PKD2L1: variants seen among roughly 807,000 people sequenced by gnomAD.
PKD2L1 encodes polycystin 2 like 1, transient receptor potential cation channel.
Under a neutral mutation model 93.0 loss-of-function variants are expected in PKD2L1, and 77 were observed. The ratio of observed to expected loss-of-function variants is 0.83; its 90% CI spans 0.69 to 1.00. The LOEUF is 1.00. Among genes scored for constraint, PKD2L1 ranks in the 50% least tolerant of loss-of-function variants. The pLI, the probability that PKD2L1 is intolerant of heterozygous loss-of-function variation, is 0.00. For missense variants in PKD2L1, 977 were observed against 990.9 expected (o/e 0.99, Z 0.19); for synonymous variants, 390 against 388.0 (o/e 1.01, Z -0.06).
chr10:100,304,969 A>C (rs1276654695), intron 2 of PKD2L1, among the ~76,000 whole-genome samples: 1 of 152,196 alleles, frequency 6.6e-6, no homozygotes, highest in African/African-American at 2.4e-5. Flanking sequence ...CTGGGAATAT[A>C]ATACCTTTTA....
Position 100,291,391 on chromosome 10 carries a change from C to A in PKD2L1, c.1917G>T (p.Thr639=). 1.9e-6 allele frequency: 3 copies of A among 1,614,000 alleles called. No homozygotes were observed. Among genetic ancestry groups the A allele is most frequent in the South Asian group, 2.2e-5 (2 of 91,076 alleles). Residue 639 remains threonine (T), a synonymous_variant, in exon 12 of 16, where the codon ACG becomes ACT. Coordinates refer to ENST00000318222, the MANE Select transcript of PKD2L1 (RefSeq NM_016112.3). ...GHAEHEITEL[T]ATFTKFDRDG... ...CTCTGTCAAACTTGGTGAAGGTGGC[C>A]GTGAGCTCAGTGATTTCATGCTCTG...
chr10:100,314,901 G>C (rs540584549), intron 2 of PKD2L1, among the ~76,000 whole-genome samples: 1 of 149,330 alleles, frequency 6.7e-6, no homozygotes, highest in South Asian at 2.1e-4. Flanking sequence ...CAGGCGTGTT[G>C]GTGTGAGCCT....
chr10:100,329,320 A>G lies in PKD2L1; in HGVS notation c.240T>C (p.Leu80=), dbSNP rs1032700930. Residue 80 remains leucine (L), a synonymous_variant, in exon 2 of 16, where the codon CTT becomes CTC. Coordinates refer to ENST00000318222, the MANE Select transcript of PKD2L1 (RefSeq NM_016112.3). ...TGTTCTCAGTCAGGGTTGTTCCCCA[A>G]AGTCCTAAGGGGCATGGGAGAGATG... ...CLHICQGIRG[L]WGTTLTENTA... is the part of the protein sequence containing the mutation. 6.2e-7 allele frequency: 1 copy of G among 1,614,130 alleles called. No individual in the cohort carries two copies. Among genetic ancestry groups the G allele is most frequent in the Non-Finnish European group, 8.5e-7 (1 of 1,179,998 alleles).
At chr10:100,325,425 T>A (rs1564616674) in intron 2 of PKD2L1, among the ~76,000 whole-genome samples, 1 of 152,074 alleles carries the variant, frequency 6.6e-6, no homozygotes, top group Non-Finnish European at 1.5e-5. Context: ...TGAAAATATG[T>A]CTGAAAGGAA....
chr10:100,312,981 G>A (rs572946043), intron 2 of PKD2L1, among the ~76,000 whole-genome samples: 27 of 152,088 alleles, frequency 1.8e-4, no homozygotes, highest in African/African-American at 5.5e-4. Flanking sequence ...TGGTCTCTGC[G>A]AAGGAGGGCA....
At position 100,291,303 on chromosome 10, in the gene PKD2L1, T is replaced by G. The variant is rs779464425; in HGVS notation, c.2005A>C (p.Arg669=). 1 of 1,613,554 alleles carries G rather than the reference T, an allele frequency of 6.2e-7. No homozygotes were observed. Among genetic ancestry groups the G allele is most frequent in the Admixed American group, 1.7e-5 (1 of 59,988 alleles). Residue 669 remains arginine (R), a splice_region_variant and synonymous_variant, in exon 12 of 16, where the codon AGG becomes CGG. Coordinates refer to ENST00000318222, the MANE Select transcript of PKD2L1 (RefSeq NM_016112.3). The part of the protein sequence containing the change: ...EKMRQDLEEE[R]VALNTEIEKL... ...CTCCACCCATCAGCCCAGCTCACCC[T>G]CTCTTCCTCCAGGTCCTGTCGCATT...
chr10:100,305,902 G>C (rs1241126182), intron 2 of PKD2L1, among the ~76,000 whole-genome samples: 1 of 152,088 alleles, frequency 6.6e-6, no homozygotes, highest in African/African-American at 2.4e-5. Context: ...ACAAATTGCT[G>C]GCCAAGTACA....
intron 2 of PKD2L1, among the ~76,000 whole-genome samples, chr10:100,311,058 T>C (rs1026958761): frequency 2.0e-5 from 3 of 152,240 alleles, no homozygotes; most frequent in African/African-American, 4.8e-5. Flanking sequence ...ACATTGCTTT[T>C]ATCCTTTATG....
intron 2 of PKD2L1, among the ~76,000 whole-genome samples, chr10:100,307,596 G>A (rs548731084): frequency 3.2e-4 from 48 of 152,280 alleles, no homozygotes; most frequent in Non-Finnish European, 5.9e-4. Context: ...GGAGGTTGAG[G>A]TTGCAGTAAG....
At position 100,299,082 on chromosome 10, in the gene PKD2L1, G is replaced by A. The variant is rs539800347; in HGVS notation, c.478-267C>T. Among the ~76,000 whole-genome samples the A allele has an allele frequency of 6.8e-4, 103 of 152,106 alleles. 1 individual carries two copies. Among genetic ancestry groups the A allele is most frequent in the African/African-American group, 2.4e-3 (100 of 41,506 alleles). Reference sequence around the variant, plus strand: ...AGCGATTCTCCTGCCTCAGCCTCCCGAGGAGCTGGGATTTCAGGCATGCAT... The same window carrying A: ...AGCGATTCTCCTGCCTCAGCCTCCCAAGGAGCTGGGATTTCAGGCATGCAT... On this transcript the variant is annotated intron_variant, in intron 3 of 15. Transcript: ENST00000318222.
intron 11 of PKD2L1, among the ~76,000 whole-genome samples, chr10:100,291,983 A>G (rs2134376771): frequency 6.6e-6 from 1 of 151,626 alleles, no homozygotes; most frequent in East Asian, 2.0e-4. Context: ...TCAGACCTCT[A>G]TGCTTTTGTA....
rs1848382711 is a variant in PKD2L1, at chr10:100,290,470, C to T, written c.2057G>A (p.Ser686Asn). ...CTCTGGACCCGATTTGCCTTGTGGG[C>T]TGCTCACAATAGATCGGCCTAGTTT... ...IEKLGRSIVS[S>N]PQGKSGPEAA... Residue 686 changes from serine to asparagine, a missense_variant, in exon 13 of 16, where the codon AGC (serine) becomes AAC (asparagine). Coordinates refer to ENST00000318222, the MANE Select transcript of PKD2L1 (RefSeq NM_016112.3). 1 of 1,613,738 alleles carries T rather than the reference C, an allele frequency of 6.2e-7. No individual in the cohort carries two copies. Among genetic ancestry groups the T allele is most frequent in the Non-Finnish European group, 8.5e-7 (1 of 1,180,018 alleles).
At chr10:100,309,176 T>C (rs1848875401) in intron 2 of PKD2L1, among the ~76,000 whole-genome samples, 1 of 152,198 alleles carries the variant, frequency 6.6e-6, no homozygotes, top group African/African-American at 2.4e-5. Flanking sequence ...TAATGGAATA[T>C]GATACAGTCA....
intron 2 of PKD2L1, among the ~76,000 whole-genome samples, chr10:100,322,767 A>C (rs912937377): frequency 1.3e-5 from 2 of 152,218 alleles, no homozygotes; most frequent in Non-Finnish European, 2.9e-5. Flanking sequence ...GTTGATGGGT[A>C]TTAGTAAATT....
intron 2 of PKD2L1, among the ~76,000 whole-genome samples, chr10:100,319,449 T>C (rs1849180035): frequency 6.6e-6 from 1 of 151,276 alleles, no homozygotes; most frequent in South Asian, 2.1e-4. Flanking sequence ...AAATCGTGGT[T>C]CTATATGACA....
intron 4 of PKD2L1, among the ~76,000 whole-genome samples, chr10:100,298,031 C>T (rs891101241): frequency 1.3e-5 from 2 of 152,144 alleles, no homozygotes; most frequent in African/African-American, 4.8e-5. Context: ...GGAAAAGATC[C>T]TCCAGCTCTG....
intron 2 of PKD2L1, among the ~76,000 whole-genome samples, chr10:100,301,460 C>G (rs1052675436): frequency 5.3e-5 from 8 of 151,606 alleles, no homozygotes; most frequent in Non-Finnish European, 1.0e-4. Flanking sequence ...AGAGGCCCCC[C>G]CCCCGGGAAT....
At chr10:100,301,044 C>A (rs193212062) in intron 2 of PKD2L1, among the ~76,000 whole-genome samples, 1 of 152,014 alleles carries the variant, frequency 6.6e-6, no homozygotes, top group Non-Finnish European at 1.5e-5. Context: ...GTTGGGTGTC[C>A]GGCGGAGACG....
chr10:100,302,120 C>G (rs1848692988), intron 2 of PKD2L1, among the ~76,000 whole-genome samples: 1 of 152,194 alleles, frequency 6.6e-6, no homozygotes, highest in Non-Finnish European at 1.5e-5. Context: ...TAGGCATGAG[C>G]CACTGCACCG....
Sources: gnomAD v4.1 joint callset for allele counts (sites outside exome capture counted in the v4.1 genomes callset) on GRCh38, gnomAD v4.1.1 for gene constraint, MANE v1.5 for transcripts, NCBI Gene and HGNC (gene_info 2026-07-23, HGNC 2026-07-21) for gene names.